COL5A2: variants seen among roughly 807,000 people sequenced by gnomAD.
COL5A2 encodes the protein collagen type V alpha 2 chain.
Under a neutral mutation model 208.2 loss-of-function variants are expected in COL5A2, and 23 were observed. The observed-to-expected ratio is 0.11, with a 90% CI of 0.08 to 0.16. The LOEUF is 0.16. Among genes scored for constraint, COL5A2 ranks in the 10% least tolerant of loss-of-function variants. COL5A2 has a pLI of 1.00. For missense variants in COL5A2, 1,590 were observed against 1,956.4 expected (o/e 0.81, Z 3.53); for synonymous variants, 625 against 628.5 (o/e 0.99, Z 0.08).
chr2:189,084,675 TA>T (rs1686611693), intron 11 of COL5A2, among the ~76,000 whole-genome samples: 1 of 152,190 alleles, frequency 6.6e-6, no homozygotes, highest in South Asian at 2.1e-4. Flanking sequence ...TTCTTAATGT[TA>T]AAATCTGGAG....
At chr2:189,081,084 T>A in intron 12 of COL5A2, 41 bp from the exon 13 acceptor site, 1 of 1,548,462 alleles carries the variant, frequency 6.5e-7, no homozygotes, top group Non-Finnish European at 8.9e-7. Context: ...CAGTCATTAA[T>A]AAGGATGCAA....
the COL5A2 span, among the ~76,000 whole-genome samples, chr2:189,395,898 C>CA: frequency 2.7e-3 from 143 of 53,206 alleles, 9 homozygotes; most frequent in Middle Eastern, 0.022. Flanking sequence ...GGACACATCT[C>CA]AAAAAAAAAA....
chr2:189,085,258 TA>T, intron 10 of COL5A2, 45 bp from the exon 11 acceptor site: 1 of 1,457,438 alleles, frequency 6.9e-7, no homozygotes, highest in Non-Finnish European at 9.5e-7. Flanking sequence ...TATTTACCTT[TA>T]CTTGCCAGTA....
At chr2:189,378,616 C>T in the COL5A2 span, among the ~76,000 whole-genome samples, 13 of 151,410 alleles carry the variant, frequency 8.6e-5, 1 homozygote, top group South Asian at 2.7e-3. Context: ...CCCAGCTACT[C>T]GGGAGGCTGA....
chr2:189,301,562 T>C, the COL5A2 span, among the ~76,000 whole-genome samples: 2 of 152,202 alleles, frequency 1.3e-5, no homozygotes, highest in African/African-American at 4.8e-5. Context: ...TTTGCCCAAA[T>C]TTTATGGACT....
chr2:189,258,833 A>G, the COL5A2 span, among the ~76,000 whole-genome samples: 1 of 152,136 alleles, frequency 6.6e-6, no homozygotes, highest in Non-Finnish European at 1.5e-5. Flanking sequence ...CCGGGTGCCA[A>G]CTTCAGCTCT....
intron 1 of COL5A2, among the ~76,000 whole-genome samples, chr2:189,169,664 C>A (rs894108881): frequency 6.6e-6 from 1 of 152,158 alleles, no homozygotes; most frequent in African/African-American, 2.4e-5. Context: ...TATCTAACAT[C>A]TTGGTTCTCA....
At chr2:189,321,815 C>T in the COL5A2 span, among the ~76,000 whole-genome samples, 1 of 152,198 alleles carries the variant, frequency 6.6e-6, no homozygotes, top group Admixed American at 6.5e-5. Flanking sequence ...TTCAGCTCTG[C>T]ACCAAGCAGA....
intron 2 of COL5A2, among the ~76,000 whole-genome samples, chr2:189,105,879 A>C (rs1201316576): frequency 6.6e-6 from 1 of 151,452 alleles, no homozygotes; most frequent in East Asian, 1.9e-4. Context: ...ATGATTGCCT[A>C]GCCATTCCAA....
the COL5A2 span, among the ~76,000 whole-genome samples, chr2:189,333,143 C>T: frequency 6.6e-5 from 10 of 151,448 alleles, no homozygotes; most frequent in East Asian, 9.7e-4. Flanking sequence ...CTTACTCTTT[C>T]GAAATTTGAA....
At chr2:189,409,204 C>CTTTTT in the COL5A2 span, among the ~76,000 whole-genome samples, 71 of 92,086 alleles carry the variant, frequency 7.7e-4, 3 homozygotes, top group South Asian at 1.8e-3. Flanking sequence ...TAAATTTACT[C>CTTTTT]TTTTTTTTTT....
chr2:189,203,990 C>T (rs1282729845), intron 1 of COL5A2, among the ~76,000 whole-genome samples: 1 of 151,962 alleles, frequency 6.6e-6, no homozygotes, highest in Admixed American at 6.5e-5. Context: ...CTCTGCCTCC[C>T]GGGTTCACGC....
intron 1 of COL5A2, among the ~76,000 whole-genome samples, chr2:189,122,744 TG>T (rs1175325926): frequency 6.6e-6 from 1 of 151,884 alleles, no homozygotes; most frequent in Non-Finnish European, 1.5e-5. Context: ...GCTGAATAAA[TG>T]AAAAAAGGTA....
the COL5A2 span, among the ~76,000 whole-genome samples, chr2:189,264,041 G>A: frequency 6.6e-6 from 1 of 151,932 alleles, no homozygotes; most frequent in African/African-American, 2.4e-5. Context: ...TGACTATAAA[G>A]AAAATAAATT....
intron 38 of COL5A2, 26 bp downstream of exon 38, chr2:189,053,397 TA>T: frequency 6.3e-7 from 1 of 1,593,438 alleles, no homozygotes; most frequent in Non-Finnish European, 8.6e-7. Flanking sequence ...TGTTTATTTG[TA>T]AATTAGGGAT....
chr2:189,317,987 T>C, the COL5A2 span, among the ~76,000 whole-genome samples: 1 of 152,244 alleles, frequency 6.6e-6, no homozygotes, highest in Non-Finnish European at 1.5e-5. Context: ...AATTTTCCTC[T>C]TTAGCACTAA....
At chr2:189,068,975 A>C in intron 18 of COL5A2, 91 bp from the exon 19 acceptor site, 1 of 900,904 alleles carries the variant, frequency 1.1e-6, no homozygotes, top group Non-Finnish European at 1.8e-6. Flanking sequence ...TTTACATTTG[A>C]AACCCAAATA....
At chr2:189,167,036 G>A (rs1688477846) in intron 1 of COL5A2, among the ~76,000 whole-genome samples, 1 of 152,150 alleles carries the variant, frequency 6.6e-6, no homozygotes, top group Admixed American at 6.5e-5. Context: ...GGCAAGGATG[G>A]CCTCCCAATC....
At chr2:189,041,769 A>G in intron 49 of COL5A2, 76 bp from the exon 50 acceptor site, 1 of 885,264 alleles carries the variant, frequency 1.1e-6, no homozygotes, top group South Asian at 1.4e-5. Context: ...TCAAAGAACT[A>G]TTTTACATAT....
Sources: gnomAD v4.1 joint callset for allele counts (sites outside exome capture counted in the v4.1 genomes callset) on GRCh38, gnomAD v4.1.1 for gene constraint, MANE v1.5 for transcripts, NCBI Gene and HGNC (gene_info 2026-07-23, HGNC 2026-07-21) for gene names.